The following TENM4 variants were observed in gnomAD, a reference collection of about 807,000 sequenced individuals.
TENM4 encodes teneurin transmembrane protein 4.
In TENM4, 82 loss-of-function variants were observed where a neutral mutation model predicts 243.3. The ratio of observed to expected loss-of-function variants is 0.34; its 90% confidence interval spans 0.28 to 0.40. The LOEUF (loss-of-function observed/expected upper bound fraction) is 0.40. TENM4 is among the 10% of genes least tolerant of loss of function. The pLI is 1.00. For missense variants in TENM4, 3,138 were observed against 3,673.3 expected (o/e 0.85, Z 3.77); for synonymous variants, 1,412 against 1,456.3 (o/e 0.97, Z 0.69).
intron 6 of TENM4, among the ~76,000 whole-genome samples, chr11:78,976,040 G>A (rs560149175): frequency 7.5e-4 from 114 of 152,312 alleles, no homozygotes; most frequent in Middle Eastern, 6.8e-3. Context: ...ATGCCCACAT[G>A]CTTCCGACTA....
intron 2 of TENM4, among the ~76,000 whole-genome samples, chr11:79,259,250 C>T (rs759232284): frequency 6.6e-6 from 1 of 152,204 alleles, no homozygotes; most frequent in Non-Finnish European, 1.5e-5. Flanking sequence ...GTGTAAAGTA[C>T]TGTTCAAAAG....
intron 1 of TENM4, among the ~76,000 whole-genome samples, chr11:79,354,202 G>T (rs1340133212): frequency 6.6e-6 from 1 of 152,180 alleles, no homozygotes; most frequent in Non-Finnish European, 1.5e-5. Context: ...TCACTGAATG[G>T]CATCCTTGTA....
chr11:79,420,665 C>A (rs928602962), intron 1 of TENM4, among the ~76,000 whole-genome samples: 1 of 151,970 alleles, frequency 6.6e-6, no homozygotes, highest in South Asian at 2.1e-4. Context: ...CTTATTTGGA[C>A]ACAAACCAGT....
chr11:79,082,675 G>A (rs148509429), intron 4 of TENM4, among the ~76,000 whole-genome samples: 1 of 152,278 alleles, frequency 6.6e-6, no homozygotes, highest in African/African-American at 2.4e-5. Context: ...AAGGCCCTTG[G>A]GGAGGTGTGA....
rs369429300 is a variant in TENM4 at position 78,956,162 on chromosome 11, T to C, written c.494-52639A>G. On this transcript the variant is annotated intron_variant, in intron 6 of 33. Transcript: ENST00000278550. ...TCAGCACTTTTTTTTTCAATTTTGATTTTAGCACATACACATACACAGGGC... is the reference window on the plus strand; with the variant it reads ...TCAGCACTTTTTTTTTCAATTTTGACTTTAGCACATACACATACACAGGGC... 1.6e-4 allele frequency among the ~76,000 whole-genome samples: 25 copies of C among 152,074 alleles called. No homozygotes were observed. The South Asian group carries it at 4.4e-3, about 27-fold the overall frequency.
chr11:78,669,830 T>G lies in TENM4; in HGVS notation c.6515A>C (p.Asn2172Thr). The G allele has an allele frequency of 6.2e-7, 1 of 1,613,952 alleles. No individual in the cohort carries two copies. The highest frequency in any genetic ancestry group is 8.5e-7 in the Non-Finnish European group (1 of 1,179,860). Residue 2172 changes from asparagine to threonine, a missense_variant, in exon 32 of 34, where the codon AAC (asparagine) becomes ACC (threonine). Coordinates refer to ENST00000278550, the MANE Select transcript of TENM4 (RefSeq NM_001098816.3). The surrounding 1 kb of genome is among the most constrained non-coding windows in gnomAD (Gnocchi z 6.4). ...LMYWMTVQYD[N>T]MGRVVKKELK... ...CTCCTTCTTCACTACTCGCCCCATG[T>G]TATCATACTGGACGGTCATCCAGTA... is the stretch of plus-strand genomic sequence containing the variant.
At chr11:78,940,663 C>A (rs1203579401) in intron 6 of TENM4, among the ~76,000 whole-genome samples, 1 of 152,218 alleles carries the variant, frequency 6.6e-6, no homozygotes, top group Non-Finnish European at 1.5e-5. Flanking sequence ...AAAGGACAAA[C>A]AGGCATTGTT....
At chr11:79,168,465 G>T (rs1332362756) in intron 3 of TENM4, among the ~76,000 whole-genome samples, 1 of 152,142 alleles carries the variant, frequency 6.6e-6, no homozygotes, top group Non-Finnish European at 1.5e-5. Flanking sequence ...ATAGTGAAAA[G>T]TTGGCCGGGC....
chr11:79,015,306 T>C (rs903438108), intron 6 of TENM4, among the ~76,000 whole-genome samples: 1 of 152,092 alleles, frequency 6.6e-6, no homozygotes, highest in Non-Finnish European at 1.5e-5. Context: ...GCCACTGCAA[T>C]CTCAAACACC....
At position 78,842,632 on chromosome 11, in the gene TENM4, T is replaced by C. The variant is rs549351498; in HGVS notation, c.1681+11472A>G. Among the ~76,000 whole-genome samples, 111 of 152,362 alleles carry C rather than the reference T, an allele frequency of 7.3e-4. 1 individual carries two copies. In the South Asian group the frequency reaches 0.013, roughly 18 times the overall value. Reference sequence around the variant, plus strand: ...CTCTCCTCTGGGTATCACCCTCTCATGTACTCCTCCTACTTCCAGTCTCCT... The same window carrying C: ...CTCTCCTCTGGGTATCACCCTCTCACGTACTCCTCCTACTTCCAGTCTCCT... On this transcript the variant is annotated intron_variant, in intron 12 of 33. Coordinates refer to ENST00000278550, the MANE Select transcript of TENM4 (RefSeq NM_001098816.3).
chr11:79,077,595 A>G (rs887115863), intron 4 of TENM4, among the ~76,000 whole-genome samples: 5 of 152,214 alleles, frequency 3.3e-5, no homozygotes, highest in African/African-American at 1.2e-4. Flanking sequence ...CTTAACTAGA[A>G]TTATGAATGA....
chr11:79,057,114 T>C (rs1407194178), intron 6 of TENM4, among the ~76,000 whole-genome samples: 1 of 152,168 alleles, frequency 6.6e-6, no homozygotes, highest in Non-Finnish European at 1.5e-5. Context: ...CTGTTGTCTC[T>C]CTCCTGGATG....
At position 79,008,383 on chromosome 11, in the gene TENM4, T is replaced by A. The variant is rs185455910; in HGVS notation, c.493+56355A>T. The stretch of plus-strand genomic sequence containing the variant: ...CTTTTACTTCCCTTCTTTAGAAACA[T>A]GTATTTTAAACATAGAATAATAAAA... On this transcript the variant is annotated intron_variant, in intron 6 of 33. Transcript: ENST00000278550. Among the ~76,000 whole-genome samples the A allele has an allele frequency of 3.3e-5, 5 of 152,280 alleles. No individual in the cohort carries two copies. In the East Asian group the frequency reaches 9.7e-4, roughly 29 times the overall value.
intron 3 of TENM4, among the ~76,000 whole-genome samples, chr11:79,211,004 C>T (rs970115725): frequency 4.6e-5 from 7 of 152,100 alleles, no homozygotes; most frequent in South Asian, 4.1e-4. Flanking sequence ...AACCTTTCCC[C>T]GGTAGGCACC....
chr11:79,102,535 G>T (rs1454854761), intron 4 of TENM4, among the ~76,000 whole-genome samples: 3 of 152,236 alleles, frequency 2.0e-5, no homozygotes, highest in South Asian at 4.1e-4. Flanking sequence ...TGCTCCCAAA[G>T]CTCCTGGTAC....
At chr11:78,668,417 T>C (rs954597179) in intron 32 of TENM4, among the ~76,000 whole-genome samples, 1 of 152,220 alleles carries the variant, frequency 6.6e-6, no homozygotes, top group African/African-American at 2.4e-5. Context: ...TAACATGTCA[T>C]GGCTTCAAAC....
intron 1 of TENM4, among the ~76,000 whole-genome samples, chr11:79,411,989 A>G (rs1236656737): frequency 6.6e-6 from 1 of 152,170 alleles, no homozygotes; most frequent in Non-Finnish European, 1.5e-5. Flanking sequence ...CAGCTTCACA[A>G]AGGAGTCTAG....
At chr11:79,148,836 C>T in intron 3 of TENM4, 30 bp from the exon 4 acceptor site, 2 of 849,384 alleles carry the variant, frequency 2.4e-6, no homozygotes, top group African/African-American at 3.7e-5. Flanking sequence ...ACAAATCAGT[C>T]ATTTTTGATG....
In TENM4 at chr11:78,928,066, G is replaced by A. The variant is rs982733098; in HGVS notation, c.494-24543C>T. Among the ~76,000 whole-genome samples, 10 of 152,132 alleles carry A rather than the reference G, an allele frequency of 6.6e-5. No individual in the cohort carries two copies. The East Asian group carries it at 1.9e-3, about 29-fold the overall frequency. ...CTGCCAACTAAAGACATAGTCCTGT[G>A]GTAGGGTCACTGTCTTCTGTGAAGC... On this transcript the variant is annotated intron_variant, in intron 6 of 33. Coordinates refer to ENST00000278550, the MANE Select transcript of TENM4 (RefSeq NM_001098816.3).
Sources: gnomAD v4.1 joint callset for allele counts (sites outside exome capture counted in the v4.1 genomes callset) on GRCh38, gnomAD v4.1.1 for gene constraint, Gnocchi (gnomAD v3.1) non-coding constraint, MANE v1.5 for transcripts, NCBI Gene and HGNC (gene_info 2026-07-23, HGNC 2026-07-21) for gene names.